MICAL2: variants seen among roughly 807,000 people sequenced by gnomAD.
MICAL2 encodes [F-actin]-monooxygenase MICAL2.
Under a neutral mutation model 127.3 loss-of-function variants are expected in MICAL2, and 77 were observed. That is an observed-to-expected ratio of 0.60 (90% CI 0.50 to 0.73). MICAL2 has a LOEUF of 0.73. Among genes scored for constraint, MICAL2 ranks in the 30% least tolerant of loss-of-function variants. The pLI, the probability that MICAL2 is intolerant of heterozygous loss-of-function variation, is 0.00. For synonymous variants in MICAL2, 570 were observed against 551.1 expected, an observed-to-expected ratio of 1.03 and a Z score of -0.48; for missense variants, 1,351 against 1,434.4, an observed-to-expected ratio of 0.94 and a Z score of 0.94.
chr11:12,255,243 G>A (rs745418364), intron 22 of MICAL2: 23 of 188,656 alleles, frequency 1.2e-4, no homozygotes, highest in African/African-American at 1.6e-4. Flanking sequence ...TTAAGGGTAC[G>A]GTTTAGTGGT....
downstream of MICAL2, among the ~76,000 whole-genome samples, chr11:12,361,950 T>C (rs966513879): frequency 6.6e-6 from 1 of 152,212 alleles, no homozygotes; most frequent in African/African-American, 2.4e-5. Flanking sequence ...ATAAGAAAGT[T>C]CACATACAGG....
downstream of MICAL2, among the ~76,000 whole-genome samples, chr11:12,266,721 C>G (rs970971273): frequency 2.0e-5 from 3 of 152,230 alleles, no homozygotes; most frequent in African/African-American, 7.2e-5. Context: ...GGTGCCTGCT[C>G]TAAGAGGAAC....
chr11:12,342,180 A>G (rs1938877884), intron 32 of MICAL2, among the ~76,000 whole-genome samples: 2 of 152,252 alleles, frequency 1.3e-5, no homozygotes, highest in Admixed American at 1.3e-4. Flanking sequence ...ATTCACAGGC[A>G]GAGGCTGCTT....
intron 3 of MICAL2, among the ~76,000 whole-genome samples, chr11:12,185,874 G>GCCT (rs1858181775): frequency 6.6e-6 from 1 of 152,352 alleles, no homozygotes; most frequent in African/African-American, 2.4e-5. Context: ...CCCAACGCCA[G>GCCT]CCTGCGATCA....
intron 29 of MICAL2, among the ~76,000 whole-genome samples, chr11:12,308,682 G>C (rs758092226): frequency 3.3e-5 from 5 of 152,140 alleles, no homozygotes; most frequent in African/African-American, 4.8e-5. Flanking sequence ...TGCCAATAAA[G>C]ACAGACTGAC....
chr11:12,119,396 G>A (rs113511851), intron 1 of MICAL2, among the ~76,000 whole-genome samples: 11 of 152,264 alleles, frequency 7.2e-5, no homozygotes, highest in African/African-American at 2.6e-4. Flanking sequence ...TCGCTCTTAT[G>A]CTCTATCCAT....
chr11:12,341,378 A>C (rs1342825460), intron 32 of MICAL2, among the ~76,000 whole-genome samples: 1 of 152,186 alleles, frequency 6.6e-6, no homozygotes, highest in African/African-American at 2.4e-5. Flanking sequence ...ACGCAGCAAA[A>C]CAAGACCCAA....
At chr11:12,159,981 C>A (rs1854593552) in intron 2 of MICAL2, among the ~76,000 whole-genome samples, 1 of 152,184 alleles carries the variant, frequency 6.6e-6, no homozygotes, top group Admixed American at 6.5e-5. Flanking sequence ...GTGTCATAGA[C>A]CGGGGTCACT....
At chr11:12,212,061 G>A (rs1441937048) in intron 6 of MICAL2, among the ~76,000 whole-genome samples, 1 of 152,130 alleles carries the variant, frequency 6.6e-6, no homozygotes, top group African/African-American at 2.4e-5. Context: ...GTCCCTCATA[G>A]ACAAAGAAGA....
intron 32 of MICAL2, among the ~76,000 whole-genome samples, chr11:12,335,466 C>A (rs1444383464): frequency 6.6e-6 from 1 of 152,056 alleles, no homozygotes; most frequent in Admixed American, 6.6e-5. Flanking sequence ...AATTAGATCC[C>A]ATTTGTCAAT....
intron 2 of MICAL2, among the ~76,000 whole-genome samples, chr11:12,155,249 T>C (rs1474105764): frequency 6.6e-6 from 1 of 151,966 alleles, no homozygotes; most frequent in Non-Finnish European, 1.5e-5. Flanking sequence ...GAAATCCTTA[T>C]GGAAAATTTT....
intron 1 of MICAL2, among the ~76,000 whole-genome samples, chr11:12,120,905 C>G (rs1850453299): frequency 6.6e-6 from 1 of 152,224 alleles, no homozygotes; most frequent in Non-Finnish European, 1.5e-5. Flanking sequence ...CACTGCCAGA[C>G]AGCTGCCATT....
At chr11:12,351,622 CGTA>C (rs1306187008) in intron 33 of MICAL2, among the ~76,000 whole-genome samples, 2 of 151,978 alleles carry the variant, frequency 1.3e-5, no homozygotes, top group Non-Finnish European at 2.9e-5. Context: ...GTTGAGCTCA[CGTA>C]GTCTATTTTT....
intron 2 of MICAL2, among the ~76,000 whole-genome samples, chr11:12,140,777 A>T (rs1046019952): frequency 6.6e-6 from 1 of 152,238 alleles, no homozygotes; most frequent in African/African-American, 2.4e-5. Context: ...TTGTTGTCAC[A>T]GACCTTCAGT....
chr11:12,330,651 T>C (rs1320736509), intron 32 of MICAL2, among the ~76,000 whole-genome samples: 1 of 152,110 alleles, frequency 6.6e-6, no homozygotes, highest in African/African-American at 2.4e-5. Context: ...GCTTTCTTTT[T>C]TTACAGCAGT....
At chr11:12,181,014 G>A (rs1022706327) in intron 3 of MICAL2, among the ~76,000 whole-genome samples, 15 of 132,426 alleles carry the variant, frequency 1.1e-4, no homozygotes, top group African/African-American at 3.0e-4. Context: ...TGGAATCTCC[G>A]CCCCGCCACA....
rs553590900 is a variant in MICAL2, at chr11:12,114,892, G to A, written c.-149+4166G>A. Among the ~76,000 whole-genome samples, 7 of 152,256 alleles carry A rather than the reference G, an allele frequency of 4.6e-5. No individual in the cohort carries two copies. The South Asian group carries it at 8.3e-4, about 18-fold the overall frequency. On this transcript the variant is annotated intron_variant, in intron 1 of 27. Transcript: ENST00000683283. ...TGCGTTTGTGCCTTGATCAGCAACC[G>A]GCCTCCACAGGTCACACGTGGGGCT...
rs1281786031 is a variant in MICAL2, at chr11:12,208,106, G to C, written c.556G>C (p.Val186Leu). 1 of 1,614,076 alleles carries C rather than the reference G, an allele frequency of 6.2e-7. No individual in the cohort carries two copies. The highest frequency in any genetic ancestry group is 1.1e-5 in the South Asian group (1 of 91,064). ...EIHVNVEFVK[V>L]LEPPEDQENQ... Reference sequence around the variant, plus strand: ...CCATGTGAATGTGGAGTTCGTGAAGGTTCTAGAGCCTCCTGAAGATCAAGA... The same window carrying C: ...CCATGTGAATGTGGAGTTCGTGAAGCTTCTAGAGCCTCCTGAAGATCAAGA... The change falls in exon 5 of 28, where the codon GTT becomes CTT. Residue 186 changes from valine (V) to leucine (L), a missense_variant. This residue lies in a region of MICAL2 where 599 missense variants were observed against 714.9 expected (regional missense o/e 0.84). Transcript: ENST00000683283.
In MICAL2 at chr11:12,188,900, CTGG is replaced by C. The variant is rs111887411; in HGVS notation, c.265-15349_265-15347del. Among the ~76,000 whole-genome samples, 816 of 152,292 alleles carry C rather than the reference CTGG, an allele frequency of 5.4e-3. 5 individuals carry two copies. The highest frequency in any genetic ancestry group is 0.018 in the African/African-American group (767 of 41,554). On this transcript the variant is annotated intron_variant, in intron 3 of 27. Transcript: ENST00000683283. ...AAATTTGTGTCACTATGCGGACTCTCTGGATCAACTATTAGGATTTCTACACAT... is the reference window on the plus strand; with the variant it reads ...AAATTTGTGTCACTATGCGGACTCTCATCAACTATTAGGATTTCTACACAT...
Sources: allele counts gnomAD v4.1 joint callset (sites outside exome capture counted in the v4.1 genomes callset), GRCh38; gene constraint gnomAD v4.1.1; regional missense constraint gnomAD v4.1.1; transcripts MANE v1.5; gene names NCBI Gene and HGNC (gene_info 2026-07-23, HGNC 2026-07-21).